Variants in TBC1D22A observed in about 807,000 individuals in gnomAD.
The protein encoded by TBC1D22A is putative GTPase activator.
TBC1D22A carries 38 observed loss-of-function variants against 60.2 expected under a neutral mutation model. The observed-to-expected ratio is 0.63, with a 90% CI of 0.49 to 0.83. The LOEUF (loss-of-function observed/expected upper bound fraction) is 0.83, where lower values mean the gene tolerates loss of function less well. TBC1D22A is among the 40% of genes least tolerant of loss of function. TBC1D22A has a pLI of 0.00. For synonymous variants in TBC1D22A, 302 were observed against 281.7 expected, an observed-to-expected ratio of 1.07 and a Z score of -0.72; for missense variants, 628 against 701.0, an observed-to-expected ratio of 0.90 and a Z score of 1.18.
intron 12 of TBC1D22A, among the ~76,000 whole-genome samples, chr22:47,151,993 G>A (rs554282376): frequency 9.2e-5 from 14 of 152,320 alleles, no homozygotes; most frequent in South Asian, 8.3e-4. Context: ...GTGTGCGGCC[G>A]TGGTCTGGGC....
At chr22:46,799,840 G>A (rs549736677) in intron 4 of TBC1D22A, among the ~76,000 whole-genome samples, 3 of 152,354 alleles carry the variant, frequency 2.0e-5, no homozygotes, top group Admixed American at 2.0e-4. Context: ...CACAGCGGGG[G>A]CACGTGGTGC....
Position 46,797,547 on chromosome 22 carries a change from A to G in TBC1D22A, c.564A>G (p.Ser188=), listed in dbSNP as rs1007973526. 6.2e-7 allele frequency: 1 copy of G among 1,613,874 alleles called. No homozygotes were observed. Among genetic ancestry groups the G allele is most frequent in the Non-Finnish European group, 8.5e-7 (1 of 1,179,906 alleles). ...GTSDPSTLSS[S]ALSEREASRL... is the part of the protein sequence containing the mutation. ...CTGACCCCAGCACTCTCAGCAGCTC[A>G]GCGCTGAGCGAAAGAGAGGCCTCCC... The change falls in exon 4 of 13, where the codon TCA becomes TCG. Residue 188 remains serine (S), a synonymous_variant. Transcript: ENST00000337137.
At chr22:46,867,893 C>T (rs1014414113) in intron 4 of TBC1D22A, among the ~76,000 whole-genome samples, 5 of 152,244 alleles carry the variant, frequency 3.3e-5, no homozygotes, top group African/African-American at 1.2e-4. Flanking sequence ...CTTCTCATCC[C>T]TAGAGCACCC....
At chr22:47,138,349 C>T (rs2066952744) in intron 12 of TBC1D22A, among the ~76,000 whole-genome samples, 1 of 151,982 alleles carries the variant, frequency 6.6e-6, no homozygotes, top group East Asian at 1.9e-4. Context: ...GATGGACCTG[C>T]AGGCTGGGGA....
rs567070254 is a variant in TBC1D22A, at chr22:46,927,913, A to G, written c.1015+15725A>G. Among the ~76,000 whole-genome samples, 7 of 152,368 alleles carry G rather than the reference A, an allele frequency of 4.6e-5. No individual in the cohort carries two copies. In the South Asian group the frequency reaches 1.4e-3, roughly 32 times the overall value. ...CTGAAAACTACAAAATATTGTTGAA[A>G]TAAATTAAAGAGGATCTAAATAAAT... is the stretch of plus-strand genomic sequence containing the variant. On this transcript the variant is annotated intron_variant, in intron 8 of 12. Coordinates refer to ENST00000337137, the MANE Select transcript of TBC1D22A (RefSeq NM_014346.5).
chr22:47,099,994 T>C (rs2065347036), intron 11 of TBC1D22A, among the ~76,000 whole-genome samples: 1 of 152,132 alleles, frequency 6.6e-6, no homozygotes, highest in African/African-American at 2.4e-5. Context: ...CCTGGGGCTG[T>C]GTGGACTGGG....
chr22:47,040,595 G>A (rs1433098636), intron 11 of TBC1D22A, among the ~76,000 whole-genome samples: 1 of 152,076 alleles, frequency 6.6e-6, no homozygotes, highest in African/African-American at 2.4e-5. Context: ...TGGGGAGGGT[G>A]ATCCCACAGT....
intron 4 of TBC1D22A, among the ~76,000 whole-genome samples, chr22:46,799,355 T>C (rs113402269): frequency 3.7e-3 from 569 of 152,314 alleles, no homozygotes; most frequent in African/African-American, 0.013. Flanking sequence ...TACATTTTTT[T>C]CCTGAACCAT....
intron 8 of TBC1D22A, among the ~76,000 whole-genome samples, chr22:46,943,342 C>T (rs542846370): frequency 5.9e-5 from 9 of 152,154 alleles, no homozygotes; most frequent in South Asian, 2.1e-4. Context: ...GTGTTTTTTC[C>T]GCACATGATA....
intron 5 of TBC1D22A, among the ~76,000 whole-genome samples, chr22:46,890,666 G>T (rs1304678051): frequency 6.6e-6 from 1 of 152,166 alleles, no homozygotes; most frequent in East Asian, 1.9e-4. Flanking sequence ...CCAGGAATCA[G>T]GCTCTTCGTG....
intron 11 of TBC1D22A, among the ~76,000 whole-genome samples, chr22:47,068,196 T>A (rs1313432018): frequency 6.6e-6 from 1 of 152,244 alleles, no homozygotes. Flanking sequence ...GCCGGACCCT[T>A]GACTGGGGTA....
chr22:47,087,982 A>T (rs1162111252), intron 11 of TBC1D22A, among the ~76,000 whole-genome samples: 1 of 152,120 alleles, frequency 6.6e-6, no homozygotes, highest in Admixed American at 6.6e-5. Context: ...CTGAGGCAGG[A>T]GAATGGCGAG....
intron 11 of TBC1D22A, among the ~76,000 whole-genome samples, chr22:47,066,709 C>T (rs2063783906): frequency 6.6e-6 from 1 of 152,200 alleles, no homozygotes. Context: ...GGCAGCCAGC[C>T]TCTTTGAAAC....
chr22:46,940,593 A>G (rs1002014572), intron 8 of TBC1D22A, among the ~76,000 whole-genome samples: 2 of 147,808 alleles, frequency 1.4e-5, no homozygotes, highest in Non-Finnish European at 3.0e-5. Context: ...CACACAGTCC[A>G]CCCTTGAACA....
At chr22:47,096,165 A>G (rs759273224) in intron 11 of TBC1D22A, among the ~76,000 whole-genome samples, 7 of 152,212 alleles carry the variant, frequency 4.6e-5, no homozygotes, top group African/African-American at 9.6e-5. Flanking sequence ...TCTGTTGTCT[A>G]TTTCTTGTTT....
At chr22:46,897,851 C>A (rs549102118) in intron 7 of TBC1D22A, among the ~76,000 whole-genome samples, 1 of 151,784 alleles carries the variant, frequency 6.6e-6, no homozygotes, top group African/African-American at 2.4e-5. Flanking sequence ...ATGTTGATTG[C>A]TTCAGTAAAG....
intron 11 of TBC1D22A, among the ~76,000 whole-genome samples, chr22:47,090,161 A>C (rs1164712107): frequency 6.6e-6 from 1 of 152,134 alleles, no homozygotes; most frequent in Non-Finnish European, 1.5e-5. Context: ...GCTCCACCTC[A>C]CCTGGGAATC....
chr22:46,865,846 C>T (rs1189185264), intron 4 of TBC1D22A, among the ~76,000 whole-genome samples: 3 of 152,276 alleles, frequency 2.0e-5, no homozygotes, highest in Non-Finnish European at 4.4e-5. Flanking sequence ...TGTAGATACC[C>T]CTCTGAGTAA....
At chr22:46,800,957 T>G (rs887233599) in intron 4 of TBC1D22A, among the ~76,000 whole-genome samples, 6 of 152,180 alleles carry the variant, frequency 3.9e-5, no homozygotes, top group Non-Finnish European at 7.3e-5. Flanking sequence ...AGGCTCTGAG[T>G]ACCCACCTGG....
Sources: gnomAD v4.1 joint callset for allele counts (sites outside exome capture counted in the v4.1 genomes callset) on GRCh38, gnomAD v4.1.1 for gene constraint, MANE v1.5 for transcripts, NCBI Gene and HGNC (gene_info 2026-07-23, HGNC 2026-07-21) for gene names.